UBAP2L: variants seen among roughly 807,000 people sequenced by gnomAD.
UBAP2L encodes ubiquitin-associated protein 2-like.
A neutral mutation model predicts 130.6 loss-of-function variants in UBAP2L; 12 were observed. The observed-to-expected ratio is 0.09, with a 90% CI of 0.06 to 0.15. The LOEUF is 0.15. UBAP2L is among the 10% of genes least tolerant of loss of function. The probability of loss-of-function intolerance (pLI) is 1.00; values close to 1 mark genes in which losing one functional copy is unlikely to be tolerated. For missense variants in UBAP2L, 965 were observed against 1,332.5 expected (o/e 0.72, Z 4.29); for synonymous variants, 503 against 524.7 (o/e 0.96, Z 0.57).
chr1:154,263,453 TG>T, intron 24 of UBAP2L: 1 of 1,185,612 alleles, frequency 8.4e-7, no homozygotes, highest in Non-Finnish European at 1.0e-6. Context: ...AGTTTCAACT[TG>T]TAACAAAAAT....
At chr1:154,265,013 G>A (rs1023892956) in intron 24 of UBAP2L, among the ~76,000 whole-genome samples, 2 of 152,196 alleles carry the variant, frequency 1.3e-5, no homozygotes, top group Non-Finnish European at 2.9e-5. Flanking sequence ...CTCCTGTATC[G>A]TTCCCTTCTT....
At chr1:154,220,534 A>C (rs563231443), upstream of UBAP2L, 3 of 927,896 alleles carry the variant, frequency 3.2e-6, no homozygotes, top group African/African-American at 1.7e-5. Context: ...ACGGGGGAAG[A>C]CCAAGCCAGA....
intron 4 of UBAP2L, among the ~76,000 whole-genome samples, chr1:154,230,482 C>G (rs934790252): frequency 1.8e-4 from 27 of 152,192 alleles, no homozygotes; most frequent in African/African-American, 6.5e-4. Flanking sequence ...CACTGTTGAC[C>G]TTATTTGAAT....
intron 4 of UBAP2L, 69 bp downstream of exon 4, chr1:154,228,794 G>A: frequency 8.3e-7 from 1 of 1,211,460 alleles, no homozygotes; most frequent in East Asian, 2.4e-5. Flanking sequence ...TCTAAAAGTA[G>A]CAAATGGCAA....
At chr1:154,246,785 G>A (rs1675661184) in intron 11 of UBAP2L, among the ~76,000 whole-genome samples, 1 of 152,100 alleles carries the variant, frequency 6.6e-6, no homozygotes, top group East Asian at 1.9e-4. Flanking sequence ...ACTTAAACCA[G>A]GTATTTGTAG....
At chr1:154,261,910 G>A (rs1205960352) in intron 24 of UBAP2L, among the ~76,000 whole-genome samples, 3 of 152,194 alleles carry the variant, frequency 2.0e-5, no homozygotes, top group Non-Finnish European at 4.4e-5. Flanking sequence ...TTTGTGACGG[G>A]AATGCCCAAG....
chr1:154,225,353 A>G, intron 2 of UBAP2L, 140 bp downstream of exon 2: 1 of 861,248 alleles, frequency 1.2e-6, no homozygotes, highest in Non-Finnish European at 1.8e-6. Flanking sequence ...CTCTTTTTTT[A>G]CTTAGGTCCT....
intron 8 of UBAP2L, among the ~76,000 whole-genome samples, chr1:154,237,918 T>G (rs1672209716): frequency 6.6e-6 from 1 of 152,230 alleles, no homozygotes; most frequent in African/African-American, 2.4e-5. Context: ...CAGTTCATTT[T>G]AGTAAGAAAA....
chr1:154,269,909 A>G (rs925333074), intron 26 of UBAP2L, among the ~76,000 whole-genome samples: 7 of 152,156 alleles, frequency 4.6e-5, no homozygotes, highest in Non-Finnish European at 7.3e-5. Flanking sequence ...CAGGGGAGAG[A>G]GGGGGTAGTG....
intron 4 of UBAP2L, among the ~76,000 whole-genome samples, chr1:154,233,025 T>C (rs7516809): frequency 0.65 from 98,819 of 151,324 alleles, 33,321 homozygotes; most frequent in East Asian, 0.96. Context: ...TTTCTTTTTT[T>C]TTTTTTTGAG....
At chr1:154,263,348 G>A (rs906559542) in intron 24 of UBAP2L, 5 of 1,409,880 alleles carry the variant, frequency 3.5e-6, no homozygotes, top group Non-Finnish European at 4.6e-6. Context: ...CCATGTGTCT[G>A]ACCCTGTCTT....
intron 25 of UBAP2L, among the ~76,000 whole-genome samples, chr1:154,267,151 G>GTTTTTTTT (rs36051247): frequency 1.8e-5 from 2 of 108,632 alleles, no homozygotes; most frequent in Non-Finnish European, 3.8e-5. Flanking sequence ...TATCCAACGA[G>GTTTTTTTT]TTTTTTTTTT....
intron 25 of UBAP2L, among the ~76,000 whole-genome samples, chr1:154,268,189 TTTTTTTTTC>T (rs1683922484): frequency 6.6e-6 from 1 of 150,516 alleles, no homozygotes; most frequent in African/African-American, 2.5e-5. Context: ...GCGCCCAGCC[TTTTTTTTTC>T]TTTTTTTTCT....
In UBAP2L at chr1:154,246,286, T is replaced by C. The variant is rs888604760; in HGVS notation, c.925T>C (p.Ser309Pro). The C allele has an allele frequency of 4.3e-6, 7 of 1,613,716 alleles. No homozygotes were observed. In the African/African-American group the frequency reaches 9.3e-5, roughly 22 times the overall value. The change falls in exon 11 of 27, where the codon TCT (serine) becomes CCT (proline). Residue 309 changes from serine (S) to proline (P), a missense_variant. This residue lies in a region of UBAP2L where 99 missense variants were observed against 106.4 expected (regional missense o/e 0.93). Transcript: ENST00000428931. Reference sequence around the variant, plus strand: ...TAATCTGGATCCGTCTCAGGCTCCTTCTCTGGCCCAGCCTCTGGTGTTCAG... The same window carrying C: ...TAATCTGGATCCGTCTCAGGCTCCTCCTCTGGCCCAGCCTCTGGTGTTCAG... Reference protein sequence around the residue: ...SSNLDPSQAPSLAQPLVFSNS... With the variant: ...SSNLDPSQAPPLAQPLVFSNS...
upstream of UBAP2L, chr1:154,220,553 G>A: frequency 1.3e-6 from 1 of 782,908 alleles, no homozygotes; most frequent in Non-Finnish European, 2.1e-6. Context: ...GACCCGGCCT[G>A]AAAACATGGC....
intron 4 of UBAP2L, among the ~76,000 whole-genome samples, 193 bp downstream of exon 4, chr1:154,228,918 A>C (rs532855952): frequency 5.3e-5 from 8 of 152,248 alleles, no homozygotes; most frequent in Admixed American, 4.6e-4. Context: ...CCTTTTTATG[A>C]GGATAATGCT....
rs577160181 is a variant in UBAP2L at position 154,270,511 on chromosome 1, C to T, written c.*216C>T. 398 of 1,445,682 alleles carry T rather than the reference C, an allele frequency of 2.8e-4. 2 individuals carry two copies. In the South Asian group the frequency reaches 4.4e-3, roughly 16 times the overall value. 89.6% of individuals were successfully genotyped at this position (1,445,682 alleles called of 1,614,324 possible). A position where few individuals can be genotyped will look rare whatever the true frequency, so the allele number is the denominator to read the frequency against. ...GATTTGTATTTTCTCCTTTTTTTTC[C>T]CCCTTCCATTCCTTCTCCCCTCTTG... On this transcript the variant is annotated 3_prime_UTR_variant, in exon 27 of 27. Coordinates refer to ENST00000428931, the MANE Select transcript of UBAP2L (RefSeq NM_014847.4).
At chr1:154,265,098 C>G (rs1335335626) in intron 24 of UBAP2L, among the ~76,000 whole-genome samples, 3 of 152,074 alleles carry the variant, frequency 2.0e-5, no homozygotes, top group Non-Finnish European at 4.4e-5. Context: ...TTCTGTAGTT[C>G]CGTTATTTTT....
rs930321450 is a variant in UBAP2L, at chr1:154,251,325, A to C, written c.1491+7A>C. The stretch of plus-strand genomic sequence containing the variant: ...AGCCTCCTTGACTTCTAAGGTACTT[A>C]AACTTTTAGGTAGATACCATTTTAT... On this transcript the variant is annotated splice_region_variant and intron_variant, in intron 13 of 26. Coordinates refer to ENST00000428931, the MANE Select transcript of UBAP2L (RefSeq NM_014847.4). 1 of 1,608,720 alleles carries C rather than the reference A, an allele frequency of 6.2e-7. No homozygotes were observed. Among genetic ancestry groups the C allele is most frequent in the Non-Finnish European group, 8.5e-7 (1 of 1,177,986 alleles).
Sources: gnomAD v4.1 joint callset for allele counts (sites outside exome capture counted in the v4.1 genomes callset) on GRCh38, gnomAD v4.1.1 for gene constraint, gnomAD v4.1.1 regional missense constraint, MANE v1.5 for transcripts, NCBI Gene and HGNC (gene_info 2026-07-23, HGNC 2026-07-21) for gene names.